The following WDR37 variants were observed in gnomAD, a reference collection of about 807,000 sequenced individuals.
WDR37 encodes the protein WD repeat domain 37, also known as WD repeat-containing protein 37.
A neutral mutation model predicts 62.9 loss-of-function variants in WDR37; 19 were observed. The ratio of observed to expected loss-of-function variants is 0.30; its 90% CI spans 0.21 to 0.44. The LOEUF (loss-of-function observed/expected upper bound fraction) is 0.44. Ranked by LOEUF, WDR37 falls within the 20% of genes least tolerant of loss-of-function variation. WDR37 has a pLI of 1.00. For synonymous variants in WDR37, 250 were observed against 260.9 expected (o/e 0.96, Z 0.40); for missense variants, 474 against 657.6 (o/e 0.72, Z 3.05).
rs201819074 is a variant in WDR37, at chr10:1,105,130, C to T, written c.966C>T (p.His322=). The T allele has an allele frequency of 3.2e-5, 52 of 1,613,966 alleles. No individual in the cohort carries two copies. The South Asian group carries it at 3.4e-4, about 11-fold the overall frequency. Residue 322 remains histidine, a synonymous_variant, in exon 11 of 14, where the codon CAC becomes CAT. Transcript: ENST00000263150. The surrounding 1 kb of genome is among the most constrained non-coding windows in gnomAD (Gnocchi z 5.3). Reference sequence around the variant, plus strand: ...GTTTTGCCATCTTGGTTACAGGGCACGACCAGGAGTTGACGCACTGCTGCA... The same window carrying T: ...GTTTTGCCATCTTGGTTACAGGGCATGACCAGGAGTTGACGCACTGCTGCA... The part of the protein sequence containing the change: ...TSELVHSLTG[H]DQELTHCCTH...
At chr10:1,120,952 C>G (rs1835559151) in intron 11 of WDR37, among the ~76,000 whole-genome samples, 1 of 152,252 alleles carries the variant, frequency 6.6e-6, no homozygotes, top group Non-Finnish European at 1.5e-5. Flanking sequence ...ATGTTCCAGA[C>G]CAGGCAGTGG....
chr10:1,108,517 A>G (rs1835094324), intron 11 of WDR37, among the ~76,000 whole-genome samples: 1 of 152,194 alleles, frequency 6.6e-6, no homozygotes, highest in African/African-American at 2.4e-5. Flanking sequence ...CAAATAGCGA[A>G]GCGACACTAT....
intron 1 of WDR37, among the ~76,000 whole-genome samples, chr10:1,070,543 A>G (rs1714980808): frequency 6.6e-6 from 1 of 152,174 alleles, no homozygotes; most frequent in African/African-American, 2.4e-5. Context: ...GTTGATTTCT[A>G]CTGTTTTATT....
At position 1,129,275 on chromosome 10, in the gene WDR37, C is replaced by T. The variant is rs766237530; in HGVS notation, c.1416C>T (p.Phe472=). The part of the protein sequence containing the change: ...WSEDHPVCNL[F]TCGFDRQAIG... ...AAGACCACCCCGTGTGCAATCTGTT[C>T]ACCTGTGGGTTTGACCGGCAAGCCA... Residue 472 remains phenylalanine, a synonymous_variant, in exon 14 of 14, where the codon TTC becomes TTT. Transcript: ENST00000263150. 1.9e-6 allele frequency: 3 copies of T among 1,614,188 alleles called. No individual in the cohort carries two copies. Among genetic ancestry groups the T allele is most frequent in the Admixed American group, 1.7e-5 (1 of 60,022 alleles).
rs145763714 is a variant in WDR37, at chr10:1,061,032, C to T, written c.-41+4064C>T. Among the ~76,000 whole-genome samples the T allele has an allele frequency of 6.3e-3, 956 of 152,300 alleles. 5 individuals are homozygous for T. The highest frequency in any genetic ancestry group is 9.9e-3 in the Non-Finnish European group (672 of 68,026). On this transcript the variant is annotated intron_variant, in intron 1 of 13. Transcript: ENST00000263150. ...TCACGTAACGATGCATCTCTCAGAACCTGTCCCCATCCTTAAGTGATGTAT... is the reference window on the plus strand; with the variant it reads ...TCACGTAACGATGCATCTCTCAGAATCTGTCCCCATCCTTAAGTGATGTAT...
At chr10:1,081,371 A>T (rs977305264) in intron 5 of WDR37, among the ~76,000 whole-genome samples, 2 of 152,254 alleles carry the variant, frequency 1.3e-5, no homozygotes, top group Non-Finnish European at 1.5e-5. Context: ...TACAAAGATA[A>T]ATTGAAATTT....
chr10:1,101,506 C>T (rs1015119989), intron 9 of WDR37, among the ~76,000 whole-genome samples: 18 of 152,226 alleles, frequency 1.2e-4, no homozygotes, highest in South Asian at 2.1e-4. Context: ...CAGCCCCATT[C>T]TGAGGTCCTG....
Position 1,129,559 on chromosome 10 carries a change from G to A in WDR37, c.*215G>A. On this transcript the variant is annotated 3_prime_UTR_variant, in exon 14 of 14. Transcript: ENST00000263150. ...TTGTCTTGTATATGTATGTATATTG[G>A]GTCCTCTGGGCAGTAGAGGCAAAGC... The A allele has an allele frequency of 1.6e-6, 1 of 609,264 alleles. No homozygotes were observed. The highest frequency in any genetic ancestry group is 3.5e-5 in the Admixed American group (1 of 28,352). 37.7% of individuals were successfully genotyped at this position (609,264 alleles called of 1,614,324 possible). A position where few individuals can be genotyped will look rare whatever the true frequency, so the allele number is the denominator to read the frequency against.
chr10:1,075,289 TTTA>T (rs1833841539), intron 2 of WDR37, among the ~76,000 whole-genome samples: 1 of 151,788 alleles, frequency 6.6e-6, no homozygotes. Context: ...TTTTTTTTTT[TTTA>T]AATTTATACT....
At chr10:1,111,006 G>GT (rs1278673818) in intron 11 of WDR37, among the ~76,000 whole-genome samples, 1 of 129,144 alleles carries the variant, frequency 7.7e-6, no homozygotes, top group Non-Finnish European at 1.7e-5. Context: ...AGTCAGACAT[G>GT]TGTTCTTAGG....
At chr10:1,082,276 G>A (rs7074721) in intron 5 of WDR37, among the ~76,000 whole-genome samples, 86,788 of 152,026 alleles carry the variant, frequency 0.57, 25,608 homozygotes, top group Non-Finnish European at 0.65. Context: ...CGAAAAGCAA[G>A]TAACGTGCCT....
At chr10:1,099,698 G>C (rs1272549479) in intron 9 of WDR37, among the ~76,000 whole-genome samples, 1 of 151,032 alleles carries the variant, frequency 6.6e-6, no homozygotes, top group Non-Finnish European at 1.5e-5. Flanking sequence ...GGTGGGCGTG[G>C]TGGAGAGGTG....
intron 11 of WDR37, among the ~76,000 whole-genome samples, chr10:1,115,680 TG>T (rs1175131549): frequency 6.6e-5 from 10 of 152,188 alleles, no homozygotes; most frequent in Non-Finnish European, 1.0e-4. Flanking sequence ...GCTGGCCGCC[TG>T]GGAGGTGCGT....
intron 3 of WDR37, 66 bp downstream of exon 3, chr10:1,078,069 A>T: frequency 8.3e-7 from 1 of 1,210,216 alleles, no homozygotes; most frequent in Non-Finnish European, 1.2e-6. Context: ...TTATGAATAG[A>T]CATTCATCAC....
At chr10:1,066,905 A>C (rs1030584162) in intron 1 of WDR37, among the ~76,000 whole-genome samples, 5 of 149,302 alleles carry the variant, frequency 3.3e-5, no homozygotes, top group Non-Finnish European at 5.9e-5. Flanking sequence ...CTTGTGCAGG[A>C]AAACTCCCCC....
At position 1,066,410 on chromosome 10, in the gene WDR37, C is replaced by A. The variant is rs1255401130; in HGVS notation, c.-40-5706C>A. Among the ~76,000 whole-genome samples, 5 of 152,202 alleles carry A rather than the reference C, an allele frequency of 3.3e-5. No homozygotes were observed. In the South Asian group the frequency reaches 1.0e-3, roughly 31 times the overall value. On this transcript the variant is annotated intron_variant, in intron 1 of 13. Coordinates refer to ENST00000263150, the MANE Select transcript of WDR37 (RefSeq NM_014023.4). The stretch of plus-strand genomic sequence containing the variant: ...GGATTATAGGCGTGAGCCACCTCGC[C>A]CAGCCCGATACTAGGACTAATGCAG...
intron 1 of WDR37, among the ~76,000 whole-genome samples, chr10:1,068,352 G>C (rs1833617729): frequency 7.0e-6 from 1 of 143,442 alleles, no homozygotes. Context: ...GTGGTGGCGG[G>C]CGCCTGAGGC....
chr10:1,093,771 C>T (rs10751790), intron 8 of WDR37, among the ~76,000 whole-genome samples: 150,971 of 152,332 alleles, frequency 0.99, 74,819 homozygotes, highest in Middle Eastern at 1. Context: ...ATGTTTGCTG[C>T]TCCCCCCGCA....
At chr10:1,112,191 C>CCT (rs201563408) in intron 11 of WDR37, among the ~76,000 whole-genome samples, 3 of 152,172 alleles carry the variant, frequency 2.0e-5, no homozygotes, top group African/African-American at 7.2e-5. Context: ...TCACTTCCTG[C>CCT]CTCTCTCTCA....
Sources: allele counts gnomAD v4.1 joint callset (sites outside exome capture counted in the v4.1 genomes callset), GRCh38; gene constraint gnomAD v4.1.1; non-coding constraint Gnocchi (gnomAD v3.1); transcripts MANE v1.5; gene names NCBI Gene and HGNC (gene_info 2026-07-23, HGNC 2026-07-21).